The following KCNJ3 variants were observed in gnomAD, a reference collection of about 807,000 sequenced individuals.
The protein encoded by KCNJ3 is G protein-activated inward rectifier potassium channel 1.
A neutral mutation model predicts 39.2 loss-of-function variants in KCNJ3; 4 were observed. That is an observed-to-expected ratio of 0.10 (90% CI 0.05 to 0.23). The LOEUF is 0.23. Among genes scored for constraint, KCNJ3 ranks in the 10% least tolerant of loss-of-function variants. The probability of loss-of-function intolerance (pLI) is 1.00; values close to 1 mark genes in which losing one functional copy is unlikely to be tolerated. For synonymous variants in KCNJ3, 230 were observed against 237.4 expected (o/e 0.97, Z 0.29); for missense variants, 276 against 634.9 (o/e 0.43, Z 6.08).
rs181575297 is a variant in KCNJ3, at chr2:154,705,670, A to G, written c.703-3933A>G. ...AATAATTGAAATATTATTAAATGAC[A>G]TCTGTATTATAAGTAACTTCAAAAT... On this transcript the variant is annotated intron_variant, in intron 1 of 2. Transcript: ENST00000295101. Among the ~76,000 whole-genome samples the G allele has an allele frequency of 3.0e-4, 45 of 152,312 alleles. No individual in the cohort carries two copies. In the East Asian group the frequency reaches 8.1e-3, roughly 27 times the overall value.
chr2:154,753,794 A>G (rs1264059205), intron 2 of KCNJ3, among the ~76,000 whole-genome samples: 1 of 152,188 alleles, frequency 6.6e-6, no homozygotes, highest in African/African-American at 2.4e-5. Flanking sequence ...TCTGTTGTTT[A>G]ATACATAGAT....
At chr2:154,823,327 GAA>G (rs1174685467) in intron 2 of KCNJ3, among the ~76,000 whole-genome samples, 13 of 150,866 alleles carry the variant, frequency 8.6e-5, no homozygotes, top group Non-Finnish European at 1.9e-4. Context: ...GAAGGAGATG[GAA>G]AAGAGAGAGA....
chr2:154,757,977 A>G (rs1422967267), intron 2 of KCNJ3, among the ~76,000 whole-genome samples: 1 of 152,186 alleles, frequency 6.6e-6, no homozygotes, highest in Non-Finnish European at 1.5e-5. Flanking sequence ...GGACATGAAT[A>G]TTTATATCAT....
intron 2 of KCNJ3, among the ~76,000 whole-genome samples, chr2:154,811,038 G>T (rs907569813): frequency 2.0e-5 from 3 of 152,186 alleles, no homozygotes; most frequent in Non-Finnish European, 4.4e-5. Flanking sequence ...GTTTGTTCCT[G>T]TGTGGGATAA....
chr2:154,725,318 C>G (rs1166094320), intron 2 of KCNJ3, among the ~76,000 whole-genome samples: 1 of 150,990 alleles, frequency 6.6e-6, no homozygotes, highest in Non-Finnish European at 1.5e-5. Flanking sequence ...TCTTCACCAA[C>G]TACCCAGATG....
At chr2:154,734,086 AC>A (rs1685485453) in intron 2 of KCNJ3, among the ~76,000 whole-genome samples, 1 of 152,176 alleles carries the variant, frequency 6.6e-6, no homozygotes. Flanking sequence ...TATGCAAGGG[AC>A]CCTGAAGTTT....
At chr2:154,799,194 C>T (rs1014143583) in intron 2 of KCNJ3, among the ~76,000 whole-genome samples, 11 of 152,222 alleles carry the variant, frequency 7.2e-5, no homozygotes, top group Admixed American at 4.6e-4. Flanking sequence ...TGCAGTGGCA[C>T]GATCTTGGCT....
At chr2:154,789,229 C>T (rs1686585919) in intron 2 of KCNJ3, among the ~76,000 whole-genome samples, 1 of 151,670 alleles carries the variant, frequency 6.6e-6, no homozygotes, top group African/African-American at 2.4e-5. Context: ...TACCATGTAC[C>T]TAGGCCTAAT....
intron 2 of KCNJ3, among the ~76,000 whole-genome samples, chr2:154,802,121 A>C (rs1686829967): frequency 6.6e-6 from 1 of 151,568 alleles, no homozygotes; most frequent in South Asian, 2.1e-4. Context: ...ATATGTTTAT[A>C]TATCTTTGGT....
intron 2 of KCNJ3, among the ~76,000 whole-genome samples, chr2:154,847,606 T>C (rs1687682731): frequency 6.6e-6 from 1 of 152,028 alleles, no homozygotes; most frequent in South Asian, 2.1e-4. Context: ...TCTGTGTATG[T>C]GCCTGTGTAA....
At chr2:154,752,708 T>A (rs1429544800) in intron 2 of KCNJ3, among the ~76,000 whole-genome samples, 1 of 152,028 alleles carries the variant, frequency 6.6e-6, no homozygotes, top group Non-Finnish European at 1.5e-5. Context: ...TACTTCTCTA[T>A]CCTTGATATC....
intron 2 of KCNJ3, among the ~76,000 whole-genome samples, chr2:154,842,285 T>C (rs1215927177): frequency 6.6e-6 from 1 of 152,240 alleles, no homozygotes; most frequent in East Asian, 1.9e-4. Flanking sequence ...TCTAATTTGA[T>C]TGCACTGTGG....
At chr2:154,793,797 C>G (rs895848074) in intron 2 of KCNJ3, among the ~76,000 whole-genome samples, 2 of 151,856 alleles carry the variant, frequency 1.3e-5, no homozygotes, top group East Asian at 1.9e-4. Context: ...GCACAGGGAG[C>G]CTGGCATTTA....
intron 2 of KCNJ3, among the ~76,000 whole-genome samples, chr2:154,738,099 G>A (rs1685578559): frequency 6.6e-6 from 1 of 152,074 alleles, no homozygotes; most frequent in Admixed American, 6.6e-5. Context: ...CTGAAACATA[G>A]AATGAGATCC....
intron 2 of KCNJ3, among the ~76,000 whole-genome samples, chr2:154,808,639 C>CA (rs1377658488): frequency 6.6e-6 from 1 of 151,942 alleles, no homozygotes; most frequent in African/African-American, 2.4e-5. Context: ...TTTTTAAGGG[C>CA]AAAAAATTGC....
intron 2 of KCNJ3, among the ~76,000 whole-genome samples, chr2:154,822,557 T>C (rs1321968001): frequency 6.6e-6 from 1 of 152,204 alleles, no homozygotes; most frequent in Non-Finnish European, 1.5e-5. Context: ...GTTTAGTTAA[T>C]GTAGTTGGCA....
At chr2:154,707,102 A>G (rs1006457434) in intron 1 of KCNJ3, among the ~76,000 whole-genome samples, 3 of 152,146 alleles carry the variant, frequency 2.0e-5, no homozygotes, top group African/African-American at 7.2e-5. Flanking sequence ...ATTATATAGT[A>G]TCCACTGGAT....
intron 2 of KCNJ3, among the ~76,000 whole-genome samples, chr2:154,801,100 G>A (rs952576939): frequency 1.3e-5 from 2 of 152,192 alleles, no homozygotes; most frequent in South Asian, 2.1e-4. Context: ...GGAGCCAGAT[G>A]CCTGAGTTTA....
intron 2 of KCNJ3, among the ~76,000 whole-genome samples, chr2:154,753,278 T>G (rs1685880872): frequency 6.6e-6 from 1 of 152,166 alleles, no homozygotes; most frequent in African/African-American, 2.4e-5. Flanking sequence ...ATCATAGTAA[T>G]GTTTATTAAT....
Sources: allele counts gnomAD v4.1 joint callset (sites outside exome capture counted in the v4.1 genomes callset), GRCh38; gene constraint gnomAD v4.1.1; transcripts MANE v1.5; gene names NCBI Gene and HGNC (gene_info 2026-07-23, HGNC 2026-07-21).